RELN: variants seen among roughly 807,000 people sequenced by gnomAD.
The protein encoded by RELN is reelin.
Under a neutral mutation model 427.6 loss-of-function variants are expected in RELN, and 108 were observed. That is an observed-to-expected ratio of 0.25 (90% CI 0.22 to 0.30). The LOEUF is 0.30. Ranked by LOEUF, RELN falls within the 10% of genes least tolerant of loss-of-function variation. RELN has a pLI of 1.00. For missense variants in RELN, 3,715 were observed against 4,302.8 expected (o/e 0.86, Z 3.82); for synonymous variants, 1,524 against 1,513.4 (o/e 1.01, Z -0.16).
intron 12 of RELN, among the ~76,000 whole-genome samples, chr7:103,659,650 A>G (rs1335664044): frequency 6.6e-6 from 1 of 151,880 alleles, no homozygotes; most frequent in Non-Finnish European, 1.5e-5. Flanking sequence ...CTTCCTCTAT[A>G]CTCTCATAGC....
At chr7:103,506,618 T>G (rs946223589) in intron 51 of RELN, among the ~76,000 whole-genome samples, 2 of 148,090 alleles carry the variant, frequency 1.4e-5, no homozygotes, top group African/African-American at 5.2e-5. Flanking sequence ...TACCAAATTG[T>G]AAAGACCATT....
chr7:103,896,999 G>C lies in RELN; in HGVS notation c.337+20076C>G, dbSNP rs117140978. Among the ~76,000 whole-genome samples, 725 of 152,094 alleles carry C rather than the reference G, an allele frequency of 4.8e-3. 14 individuals carry two copies. In the East Asian group the frequency reaches 0.07, roughly 15 times the overall value. On this transcript the variant is annotated intron_variant, in intron 2 of 64. Coordinates refer to ENST00000428762, the MANE Select transcript of RELN (RefSeq NM_005045.4). ...TGGCAGAAGGTGAAGGAGGAGCAAAGGTATGTCTTACACGGCAGCAGGCAA... is the reference window on the plus strand; with the variant it reads ...TGGCAGAAGGTGAAGGAGGAGCAAACGTATGTCTTACACGGCAGCAGGCAA...
chr7:103,843,362 G>A (rs1008792284), intron 2 of RELN, among the ~76,000 whole-genome samples: 3 of 151,954 alleles, frequency 2.0e-5, no homozygotes, highest in African/African-American at 4.8e-5. Context: ...ACACCACTAC[G>A]CCCAGTAAGA....
intron 46 of RELN, among the ~76,000 whole-genome samples, chr7:103,533,900 G>A (rs554959331): frequency 1.3e-5 from 2 of 151,554 alleles, no homozygotes; most frequent in African/African-American, 4.8e-5. Context: ...CCTTAATGGA[G>A]TTTTTTTTTC....
intron 2 of RELN, among the ~76,000 whole-genome samples, chr7:103,849,000 G>A (rs10266261): frequency 0.14 from 21,149 of 152,074 alleles, 1,659 homozygotes; most frequent in East Asian, 0.29. Flanking sequence ...ACCTGGGACA[G>A]CCTAACAGAC....
chr7:103,675,795 C>T (rs577072502), intron 11 of RELN, among the ~76,000 whole-genome samples: 52 of 152,254 alleles, frequency 3.4e-4, no homozygotes, highest in Admixed American at 8.5e-4. Flanking sequence ...GGAAAAGATT[C>T]CCTATTTAAT....
intron 1 of RELN, among the ~76,000 whole-genome samples, chr7:103,987,881 T>G (rs1196350266): frequency 6.6e-6 from 1 of 152,264 alleles, no homozygotes; most frequent in Non-Finnish European, 1.5e-5. Flanking sequence ...AAGGAAGTTG[T>G]AAAAGCACTG....
intron 28 of RELN, among the ~76,000 whole-genome samples, chr7:103,579,933 G>A (rs1357965337): frequency 6.6e-6 from 1 of 152,044 alleles, no homozygotes; most frequent in Non-Finnish European, 1.5e-5. Flanking sequence ...CCACTTTTTT[G>A]CACTCTACAT....
chr7:103,879,285 T>C (rs755938668), intron 2 of RELN, among the ~76,000 whole-genome samples: 1 of 152,200 alleles, frequency 6.6e-6, no homozygotes, highest in African/African-American at 2.4e-5. Flanking sequence ...ACAAAGTGCT[T>C]AGCACAATAC....
chr7:103,676,591 G>A (rs1023133346), intron 11 of RELN, among the ~76,000 whole-genome samples: 82 of 152,242 alleles, frequency 5.4e-4, no homozygotes, highest in African/African-American at 1.8e-3. Flanking sequence ...ACATGCACAC[G>A]TATGTTTATT....
At chr7:103,971,488 A>AAGG (rs1300008436) in intron 1 of RELN, among the ~76,000 whole-genome samples, 9 of 152,212 alleles carry the variant, frequency 5.9e-5, no homozygotes, top group African/African-American at 2.2e-4. Context: ...AAAATTATTC[A>AAGG]ACCTTTCTAG....
At chr7:103,893,769 T>G (rs1469772029) in intron 2 of RELN, among the ~76,000 whole-genome samples, 1 of 152,182 alleles carries the variant, frequency 6.6e-6, no homozygotes, top group East Asian at 1.9e-4. Context: ...ACAATACTTA[T>G]GTTTGTCATG....
chr7:103,777,890 C>CACACAA (rs899591723), intron 3 of RELN, among the ~76,000 whole-genome samples: 1 of 151,272 alleles, frequency 6.6e-6, no homozygotes, highest in East Asian at 1.9e-4. Flanking sequence ...CCTTCACACA[C>CACACAA]ACACACACAC....
intron 4 of RELN, among the ~76,000 whole-genome samples, chr7:103,776,115 C>T (rs74678588): frequency 0.016 from 2,369 of 152,100 alleles, 60 homozygotes; most frequent in African/African-American, 0.054. Context: ...CACACAAGTC[C>T]GAAATTAATA....
chr7:103,908,312 TC>T (rs756817614), intron 2 of RELN, among the ~76,000 whole-genome samples: 58 of 152,282 alleles, frequency 3.8e-4, no homozygotes, highest in Middle Eastern at 3.4e-3. Context: ...CTTACTTCAT[TC>T]CGAGTCTTTA....
At chr7:103,924,181 T>G (rs1051084530) in intron 1 of RELN, among the ~76,000 whole-genome samples, 3 of 152,150 alleles carry the variant, frequency 2.0e-5, no homozygotes, top group African/African-American at 7.2e-5. Flanking sequence ...CCTGGGTACA[T>G]GGGTATAGTC....
At position 103,561,540 on chromosome 7, in the gene RELN, A is replaced by C. The variant is rs1049800464; in HGVS notation, c.5521T>G (p.Phe1841Val). ...ETIKSGTSLI[F>V]KGEGLRMLIS... The stretch of plus-strand genomic sequence containing the variant: ...TCTTATCTGTATCTGACCCCTTTAA[A>C]AATTAGAGATGTTCCAGATTTGATG... The change falls in exon 36 of 65, where the codon TTT becomes GTT. Residue 1841 changes from phenylalanine to valine, a missense_variant. Phe to Val is a conservative substitution (Grantham distance 50). Coordinates refer to ENST00000428762, the MANE Select transcript of RELN (RefSeq NM_005045.4). 6.2e-7 allele frequency: 1 copy of C among 1,613,186 alleles called. No individual in the cohort carries two copies. Among genetic ancestry groups the C allele is most frequent in the Non-Finnish European group, 8.5e-7 (1 of 1,179,200 alleles).
At chr7:103,751,156 G>C (rs766314782) in intron 5 of RELN, among the ~76,000 whole-genome samples, 3 of 152,010 alleles carry the variant, frequency 2.0e-5, no homozygotes, top group Admixed American at 6.6e-5. Flanking sequence ...AACTTCTTTG[G>C]GTCTTGACAA....
chr7:103,565,169 C>T (rs1205893200), intron 34 of RELN, 109 bp downstream of exon 34: 2 of 1,376,932 alleles, frequency 1.5e-6, no homozygotes, highest in Non-Finnish European at 2.1e-6. Context: ...CACTTCCATG[C>T]ATAATTATCA....
Sources: gnomAD v4.1 joint callset for allele counts (sites outside exome capture counted in the v4.1 genomes callset) on GRCh38, gnomAD v4.1.1 for gene constraint, MANE v1.5 for transcripts, NCBI Gene and HGNC (gene_info 2026-07-23, HGNC 2026-07-21) for gene names.